The following ARHGAP26 variants were observed in gnomAD, a reference collection of about 807,000 sequenced individuals.
ARHGAP26 encodes Rho GTPase activating protein 26.
A neutral mutation model predicts 104.8 loss-of-function variants in ARHGAP26; 38 were observed. The ratio of observed to expected loss-of-function variants is 0.36; its 90% CI spans 0.28 to 0.48. The LOEUF is 0.48. Among genes scored for constraint, ARHGAP26 ranks in the 20% least tolerant of loss-of-function variants. The probability of loss-of-function intolerance (pLI) is 0.99; values close to 1 mark genes in which losing one functional copy is unlikely to be tolerated. For synonymous variants in ARHGAP26, 341 were observed against 340.0 expected, an observed-to-expected ratio of 1.00 and a Z score of -0.03; for missense variants, 704 against 947.9, an observed-to-expected ratio of 0.74 and a Z score of 3.38.
At chr5:143,191,351 AT>A (rs1483001737) in intron 20 of ARHGAP26, among the ~76,000 whole-genome samples, 3 of 152,238 alleles carry the variant, frequency 2.0e-5, no homozygotes, top group African/African-American at 7.2e-5. Flanking sequence ...GTGGACAAAT[AT>A]GCTTTTCATT....
rs34897624 is a variant in ARHGAP26, at chr5:142,958,920, GA to G, written c.1107+26806del. Among the ~76,000 whole-genome samples the G allele has an allele frequency of 2.5e-3, 210 of 83,562 alleles. 1 individual carries two copies. The highest frequency in any genetic ancestry group is 0.024 in the East Asian group (23 of 958). 54.8% of individuals were successfully genotyped at this position (83,562 alleles called of 152,430 possible). On this transcript the variant is annotated intron_variant, in intron 11 of 22. Coordinates refer to ENST00000645722, the MANE Select transcript of ARHGAP26 (RefSeq NM_001135608.3). ...GCTGTCTCTTAAAAAAAAAAAAAAA[GA>G]AAAAAAAAAAGAAAGGAAAATATAT...
In ARHGAP26 at chr5:143,054,410, C is replaced by T. The variant is rs989447925; in HGVS notation, c.1286-29C>T. The stretch of plus-strand genomic sequence containing the variant: ...TTTATTAGTTCCATTTTATGCTGTG[C>T]TTTATGTATTGTCTTTTCTTCATTT... On this transcript the variant is annotated intron_variant, in intron 14 of 22. Coordinates refer to ENST00000645722, the MANE Select transcript of ARHGAP26 (RefSeq NM_001135608.3). 7 of 1,536,472 alleles carry T rather than the reference C, an allele frequency of 4.6e-6. No individual in the cohort carries two copies. In the Admixed American group the frequency reaches 5.4e-5, roughly 12 times the overall value.
At position 143,227,757 on chromosome 5, in the gene ARHGAP26, G is replaced by T. The variant is rs1415035405; in HGVS notation, c.*5311G>T. On this transcript the variant is annotated 3_prime_UTR_variant, in exon 23 of 23. Transcript: ENST00000645722. The stretch of plus-strand genomic sequence containing the variant: ...GTATTATTGAGAGGAAAAAGTGTTG[G>T]ATGCAAAGTAACACCAGGACTAGAG... 5 of 225,698 alleles carry T rather than the reference G, an allele frequency of 2.2e-5. No homozygotes were observed. In the East Asian group the frequency reaches 3.2e-4, roughly 14 times the overall value. 14.0% of individuals were successfully genotyped at this position (225,698 alleles called of 1,614,324 possible). A position where few individuals can be genotyped will look rare whatever the true frequency, so the allele number is the denominator to read the frequency against.
At chr5:142,882,825 C>T (rs1435044245) in intron 4 of ARHGAP26, among the ~76,000 whole-genome samples, 3 of 152,090 alleles carry the variant, frequency 2.0e-5, no homozygotes, top group Non-Finnish European at 4.4e-5. Context: ...AAGAAGAAAC[C>T]CGAGCAATTA....
intron 1 of ARHGAP26, among the ~76,000 whole-genome samples, chr5:142,843,162 G>A (rs1441810932): frequency 6.6e-6 from 1 of 152,204 alleles, no homozygotes; most frequent in Non-Finnish European, 1.5e-5. Flanking sequence ...CACACTGGAG[G>A]TTTCCAAGAC....
intron 20 of ARHGAP26, among the ~76,000 whole-genome samples, chr5:143,186,631 A>T (rs557788720): frequency 2.6e-5 from 4 of 152,180 alleles, no homozygotes; most frequent in Non-Finnish European, 5.9e-5. Context: ...AGAGCTCAGG[A>T]TTGACACCTC....
At chr5:143,151,955 CAAA>C (rs962385149) in intron 20 of ARHGAP26, among the ~76,000 whole-genome samples, 2 of 151,294 alleles carry the variant, frequency 1.3e-5, no homozygotes, top group South Asian at 4.2e-4. Flanking sequence ...GACTCCATCT[CAAA>C]AAAAAGAAAT....
At chr5:143,201,224 A>G (rs565997019) in intron 20 of ARHGAP26, among the ~76,000 whole-genome samples, 2 of 152,258 alleles carry the variant, frequency 1.3e-5, no homozygotes, top group Admixed American at 6.5e-5. Flanking sequence ...TGTTGCTGTC[A>G]TTGGGCCTAG....
At chr5:143,156,801 T>C (rs1392872000) in intron 20 of ARHGAP26, among the ~76,000 whole-genome samples, 1 of 152,198 alleles carries the variant, frequency 6.6e-6, no homozygotes, top group Non-Finnish European at 1.5e-5. Context: ...ACAGCTTATA[T>C]AGCTGAGGAG....
At chr5:143,163,357 T>C (rs897421416) in intron 20 of ARHGAP26, among the ~76,000 whole-genome samples, 4 of 152,238 alleles carry the variant, frequency 2.6e-5, no homozygotes, top group African/African-American at 9.6e-5. Flanking sequence ...GTTCGTTTTC[T>C]AGATCTGCCT....
chr5:143,064,795 T>G (rs901417556), intron 17 of ARHGAP26, among the ~76,000 whole-genome samples: 1 of 152,200 alleles, frequency 6.6e-6, no homozygotes, highest in East Asian at 1.9e-4. Context: ...GAGAAAGATA[T>G]CAGTTCAGTT....
chr5:143,007,509 CTT>C (rs1452545375), intron 11 of ARHGAP26, among the ~76,000 whole-genome samples: 1 of 152,176 alleles, frequency 6.6e-6, no homozygotes, highest in African/African-American at 2.4e-5. Flanking sequence ...TGCTTAGCCT[CTT>C]TTGAGTTCTT....
intron 11 of ARHGAP26, among the ~76,000 whole-genome samples, chr5:143,004,607 G>C (rs1402796910): frequency 6.6e-6 from 1 of 152,170 alleles, no homozygotes; most frequent in Non-Finnish European, 1.5e-5. Context: ...TTTATGTTCG[G>C]CTGAAATCTG....
At position 142,902,010 on chromosome 5, in the gene ARHGAP26, A is replaced by G; in HGVS notation, c.673A>G (p.Lys225Glu). Residue 225 changes from lysine to glutamate, a missense_variant, in exon 7 of 23, where the codon AAG becomes GAG. By Grantham distance (56) the Lys-to-Glu change is moderately conservative. This residue lies in a region of ARHGAP26 where 287 missense variants were observed against 438.8 expected (regional missense o/e 0.65). Coordinates refer to ENST00000645722, the MANE Select transcript of ARHGAP26 (RefSeq NM_001135608.3). ...ACTGGCCAAGGATTTCGGGGACTTC[A>G]AGACACAGTTAACCATTAGCATACA... Reference protein sequence around the residue: ...YELAKDFGDFKTQLTISIQNT... With the variant: ...YELAKDFGDFETQLTISIQNT... The G allele has an allele frequency of 6.2e-7, 1 of 1,613,912 alleles. No individual in the cohort carries two copies. The highest frequency in any genetic ancestry group is 2.2e-5 in the East Asian group (1 of 44,882).
intron 18 of ARHGAP26, among the ~76,000 whole-genome samples, chr5:143,128,687 G>T (rs111406086): frequency 6.6e-6 from 1 of 152,190 alleles, no homozygotes; most frequent in Admixed American, 6.6e-5. Context: ...GAAGGAGTGA[G>T]CTGTGCTCAA....
At position 143,014,078 on chromosome 5, in the gene ARHGAP26, A is replaced by G; in HGVS notation, c.1108-2A>G. The G allele has an allele frequency of 6.2e-7, 1 of 1,614,142 alleles. No homozygotes were observed. The highest frequency in any genetic ancestry group is 1.7e-5 in the Admixed American group (1 of 60,024). ...AAGTGAATTTTTATTTTTATTTTCC[A>G]GGTCTACAACTCGAACAAAGACAGC... On this transcript the variant is annotated splice_acceptor_variant, in intron 11 of 22. Coordinates refer to ENST00000645722, the MANE Select transcript of ARHGAP26 (RefSeq NM_001135608.3). LOFTEE classifies it high-confidence loss of function.
intron 1 of ARHGAP26, among the ~76,000 whole-genome samples, chr5:142,872,098 T>C (rs1755400437): frequency 6.6e-6 from 1 of 152,140 alleles, no homozygotes; most frequent in Non-Finnish European, 1.5e-5. Flanking sequence ...GAAGGAGCAC[T>C]GGGGATTGGA....
chr5:143,066,251 G>A (rs879325672), intron 17 of ARHGAP26, among the ~76,000 whole-genome samples: 1 of 152,214 alleles, frequency 6.6e-6, no homozygotes, highest in African/African-American at 2.4e-5. Context: ...CAGAGCCTAG[G>A]TGTGCAGCAG....
At chr5:143,089,956 C>T (rs1317040422) in intron 17 of ARHGAP26, among the ~76,000 whole-genome samples, 2 of 152,200 alleles carry the variant, frequency 1.3e-5, no homozygotes, top group African/African-American at 2.4e-5. Context: ...TCCAGTTATT[C>T]GGCAGAGTGT....
Sources: allele counts gnomAD v4.1 joint callset (sites outside exome capture counted in the v4.1 genomes callset), GRCh38; gene constraint gnomAD v4.1.1; regional missense constraint gnomAD v4.1.1; transcripts MANE v1.5; gene names NCBI Gene and HGNC (gene_info 2026-07-23, HGNC 2026-07-21).